Variants in RNGTT observed in about 807,000 individuals in gnomAD.
The protein encoded by RNGTT is mRNA-capping enzyme.
Under a neutral mutation model 79.3 loss-of-function variants are expected in RNGTT, and 33 were observed. The observed-to-expected ratio is 0.42, with a 90% confidence interval of 0.32 to 0.56. The LOEUF is 0.56. RNGTT is among the 20% of genes least tolerant of loss of function. The pLI is 0.17. For missense variants in RNGTT, 497 were observed against 739.1 expected, an observed-to-expected ratio of 0.67 and a Z score of 3.80; for synonymous variants, 222 against 235.9, an observed-to-expected ratio of 0.94 and a Z score of 0.54.
chr6:88,728,913 C>T (rs1013367601), intron 13 of RNGTT, among the ~76,000 whole-genome samples: 3 of 152,190 alleles, frequency 2.0e-5, no homozygotes, highest in South Asian at 2.1e-4. Flanking sequence ...TCCCTCCGCA[C>T]GTTAAACAAA....
chr6:88,619,613 G>T (rs1226855312), intron 14 of RNGTT, among the ~76,000 whole-genome samples: 1 of 152,196 alleles, frequency 6.6e-6, no homozygotes. Flanking sequence ...AAGAACGGGG[G>T]TGTGGAATGA....
At chr6:88,736,858 GAA>G (rs1777304906) in intron 13 of RNGTT, among the ~76,000 whole-genome samples, 1 of 152,162 alleles carries the variant, frequency 6.6e-6, no homozygotes, top group Non-Finnish European at 1.5e-5. Flanking sequence ...TATCCTTCAA[GAA>G]AAAGTAACAA....
intron 13 of RNGTT, among the ~76,000 whole-genome samples, chr6:88,729,484 G>T (rs1164775388): frequency 2.0e-5 from 3 of 151,928 alleles, no homozygotes; most frequent in African/African-American, 7.3e-5. Flanking sequence ...GTCCCAAGGG[G>T]AGTACCAGAT....
intron 11 of RNGTT, among the ~76,000 whole-genome samples, chr6:88,839,244 A>T (rs1197832723): frequency 6.6e-6 from 1 of 152,032 alleles, no homozygotes; most frequent in Non-Finnish European, 1.5e-5. Flanking sequence ...AGTTTTTTTT[A>T]AAGAAAAAAA....
chr6:88,729,922 C>G (rs1777051441), intron 13 of RNGTT, among the ~76,000 whole-genome samples: 1 of 152,144 alleles, frequency 6.6e-6, no homozygotes, highest in Admixed American at 6.5e-5. Context: ...ATTCTTCCTT[C>G]CCTCGCAGCT....
intron 11 of RNGTT, among the ~76,000 whole-genome samples, chr6:88,821,233 C>T (rs1219051800): frequency 6.6e-6 from 1 of 152,016 alleles, no homozygotes; most frequent in Non-Finnish European, 1.5e-5. Flanking sequence ...GATAGAACAA[C>T]CGGACCTTCA....
chr6:88,622,714 T>C (rs1172243520), intron 14 of RNGTT, among the ~76,000 whole-genome samples: 1 of 152,116 alleles, frequency 6.6e-6, no homozygotes, highest in African/African-American at 2.4e-5. Flanking sequence ...ACCTCCATAG[T>C]TTTAAATACC....
intron 13 of RNGTT, among the ~76,000 whole-genome samples, chr6:88,742,586 G>A (rs1340628716): frequency 6.6e-6 from 1 of 152,166 alleles, no homozygotes; most frequent in East Asian, 1.9e-4. Context: ...AGAAGTCACG[G>A]CATGCTCTGA....
At chr6:88,667,121 GCATC>G (rs1464795822) in intron 14 of RNGTT, among the ~76,000 whole-genome samples, 1 of 152,216 alleles carries the variant, frequency 6.6e-6, no homozygotes, top group African/African-American at 2.4e-5. Flanking sequence ...TCGCAGAGCA[GCATC>G]CACTCCCTTC....
intron 13 of RNGTT, among the ~76,000 whole-genome samples, chr6:88,734,316 G>A (rs1023503096): frequency 1.3e-5 from 2 of 151,456 alleles, no homozygotes; most frequent in Non-Finnish European, 1.5e-5. Context: ...AAAAACTGAA[G>A]TATAATTTAT....
chr6:88,929,338 T>C, intron 2 of RNGTT, 71 bp from the exon 3 acceptor site: 1 of 910,484 alleles, frequency 1.1e-6, no homozygotes, highest in South Asian at 1.4e-5. Flanking sequence ...GTAGACTAAA[T>C]GGCAATACTA....
intron 5 of RNGTT, 110 bp downstream of exon 5, chr6:88,906,250 AATTAC>A (rs1208310767): frequency 3.1e-6 from 2 of 642,918 alleles, no homozygotes; most frequent in African/African-American, 3.7e-5. Context: ...AAGCAGTTCA[AATTAC>A]ATTAATCATG....
intron 13 of RNGTT, among the ~76,000 whole-genome samples, chr6:88,732,169 C>T (rs567228408): frequency 5.3e-5 from 8 of 152,104 alleles, no homozygotes; most frequent in Non-Finnish European, 8.8e-5. Context: ...TGTATAGAGA[C>T]ATTTAAAACT....
At chr6:88,783,864 T>C (rs1307124715) in intron 12 of RNGTT, among the ~76,000 whole-genome samples, 2 of 152,180 alleles carry the variant, frequency 1.3e-5, no homozygotes, top group African/African-American at 4.8e-5. Context: ...AGTAAAATCA[T>C]GCCAGTTGAG....
At position 88,853,611 on chromosome 6, in the gene RNGTT, T is replaced by C; in HGVS notation, c.1032+18A>G. The C allele has an allele frequency of 1.3e-6, 2 of 1,496,886 alleles. No individual in the cohort carries two copies. The highest frequency in any genetic ancestry group is 1.8e-6 in the Non-Finnish European group (2 of 1,099,662). 92.7% of individuals were successfully genotyped at this position (1,496,886 alleles called of 1,614,324 possible). On this transcript the variant is annotated intron_variant, in intron 9 of 15. Coordinates refer to ENST00000369485, the MANE Select transcript of RNGTT (RefSeq NM_003800.5). Reference sequence around the variant, plus strand: ...AATGGCAATGTTTAATTTTATAGTATACATAAATATGACTTACGCCATCCA... The same window carrying C: ...AATGGCAATGTTTAATTTTATAGTACACATAAATATGACTTACGCCATCCA...
At chr6:88,763,290 T>C (rs113999502) in intron 13 of RNGTT, among the ~76,000 whole-genome samples, 117 of 152,072 alleles carry the variant, frequency 7.7e-4, no homozygotes, top group African/African-American at 2.7e-3. Context: ...AGTTGATAAA[T>C]ATTTGGGGTT....
chr6:88,647,715 A>AAAAGAAG (rs531898293), intron 14 of RNGTT, among the ~76,000 whole-genome samples: 1 of 142,508 alleles, frequency 7.0e-6, no homozygotes, highest in African/African-American at 3.0e-5. Flanking sequence ...AAAAAAAAAA[A>AAAAGAAG]AAGAAGAAGA....
At chr6:88,920,267 AT>A (rs747049358) in intron 4 of RNGTT, among the ~76,000 whole-genome samples, 4 of 152,212 alleles carry the variant, frequency 2.6e-5, no homozygotes, top group African/African-American at 9.7e-5. Context: ...ATAAAATGGC[AT>A]AGTATTTGCA....
intron 8 of RNGTT, among the ~76,000 whole-genome samples, chr6:88,885,605 T>TA (rs1375586527): frequency 1.3e-5 from 2 of 152,174 alleles, no homozygotes; most frequent in African/African-American, 4.8e-5. Context: ...TAATGAATGT[T>TA]AAAAATAATG....
Sources: allele counts gnomAD v4.1 joint callset (sites outside exome capture counted in the v4.1 genomes callset), GRCh38; gene constraint gnomAD v4.1.1; transcripts MANE v1.5; gene names NCBI Gene and HGNC (gene_info 2026-07-23, HGNC 2026-07-21).